PRDM16: variants seen among roughly 807,000 people sequenced by gnomAD.
PRDM16 encodes PR/SET domain 16, also known as histone-lysine N-methyltransferase PRDM16.
Under a neutral mutation model 110.6 loss-of-function variants are expected in PRDM16, and 23 were observed. The observed-to-expected ratio is 0.21, with a 90% CI of 0.15 to 0.29. The LOEUF is 0.29. Among genes scored for constraint, PRDM16 ranks in the 10% least tolerant of loss-of-function variants. The probability of loss-of-function intolerance (pLI) is 1.00; values close to 1 mark genes in which losing one functional copy is unlikely to be tolerated. For missense variants in PRDM16, 1,615 were observed against 1,794.3 expected (o/e 0.90, Z 1.81); for synonymous variants, 799 against 781.8 (o/e 1.02, Z -0.37).
At chr1:3,420,217 A>G (rs891226932) in intron 12 of PRDM16, among the ~76,000 whole-genome samples, 2 of 152,230 alleles carry the variant, frequency 1.3e-5, no homozygotes, top group Non-Finnish European at 2.9e-5. Context: ...TATCTGGCTC[A>G]AGGCAGGTCT....
chr1:3,384,341 C>G (rs1335755311), intron 3 of PRDM16, among the ~76,000 whole-genome samples: 2 of 152,192 alleles, frequency 1.3e-5, no homozygotes, highest in South Asian at 2.1e-4. Flanking sequence ...AATTCAGAAC[C>G]CAGAGTAGCT....
intron 1 of PRDM16, among the ~76,000 whole-genome samples, chr1:3,158,178 A>G (rs1643872534): frequency 6.6e-6 from 1 of 152,142 alleles, no homozygotes; most frequent in Non-Finnish European, 1.5e-5. Context: ...CCATCCCCGT[A>G]ACGGGATAGT....
chr1:3,241,622 G>GCCAAGCCCACGCACGGA (rs1247221056), intron 2 of PRDM16, among the ~76,000 whole-genome samples: 1 of 152,274 alleles, frequency 6.6e-6, no homozygotes, highest in Admixed American at 6.5e-5. Context: ...AGGAGTGCTG[G>GCCAAGCCCACGCACGGA]CCAAGCCCAC....
At chr1:3,230,165 C>T (rs1368771197) in intron 2 of PRDM16, among the ~76,000 whole-genome samples, 2 of 152,198 alleles carry the variant, frequency 1.3e-5, no homozygotes, top group Non-Finnish European at 2.9e-5. Flanking sequence ...AGCCGAGGGC[C>T]TCAAGAGAGA....
rs933590936 is a variant in PRDM16 at position 3,209,451 on chromosome 1, G to A, written c.387+22977G>A. ...TCCTGGGGAGGCCTGTGAAGGTCGC[G>A]TGAATGCCTGTGTCCCCCGGGACAG... On this transcript the variant is annotated intron_variant, in intron 2 of 16. Transcript: ENST00000270722. The surrounding 1 kb of genome is among the most constrained non-coding windows in gnomAD (Gnocchi z 4.6). 6.6e-6 allele frequency among the ~76,000 whole-genome samples: 1 copy of A among 152,196 alleles called. No individual in the cohort carries two copies. Among genetic ancestry groups the A allele is most frequent in the African/African-American group, 2.4e-5 (1 of 41,444 alleles).
chr1:3,197,808 G>A (rs72630991), intron 2 of PRDM16, among the ~76,000 whole-genome samples: 11,756 of 152,178 alleles, frequency 0.077, 624 homozygotes, highest in Non-Finnish European at 0.12. Context: ...TCAGACGCAG[G>A]TCCCACGCGT....
chr1:3,396,644 G>A (rs1195638802), intron 5 of PRDM16, 51 bp downstream of exon 5: 1 of 748,608 alleles, frequency 1.3e-6, no homozygotes, highest in Non-Finnish European at 2.2e-6. Context: ...CCCCCAGCCA[G>A]CCCGGAAGAG....
intron 1 of PRDM16, among the ~76,000 whole-genome samples, chr1:3,126,150 G>C (rs977858799): frequency 6.6e-6 from 1 of 152,180 alleles, no homozygotes; most frequent in Admixed American, 6.5e-5. Context: ...GGGGAGAAAG[G>C]GGCCATTGTG....
chr1:3,114,508 A>ACG (rs1642904844), intron 1 of PRDM16, among the ~76,000 whole-genome samples: 1 of 143,952 alleles, frequency 6.9e-6, no homozygotes, highest in African/African-American at 2.6e-5. Context: ...ACGCGCATGC[A>ACG]CACACACATG....
intron 3 of PRDM16, among the ~76,000 whole-genome samples, chr1:3,247,761 T>C (rs904788666): frequency 6.6e-6 from 1 of 152,246 alleles, no homozygotes; most frequent in Non-Finnish European, 1.5e-5. Context: ...GCGCCCGTCC[T>C]GGTGCGCCCT....
intron 2 of PRDM16, among the ~76,000 whole-genome samples, chr1:3,233,610 C>T (rs1249071072): frequency 6.6e-6 from 1 of 152,214 alleles, no homozygotes; most frequent in Non-Finnish European, 1.5e-5. Flanking sequence ...TCCTCTCTGC[C>T]CAGCAGGCCT....
intron 3 of PRDM16, among the ~76,000 whole-genome samples, chr1:3,335,568 G>A (rs992001058): frequency 2.7e-5 from 4 of 148,332 alleles, no homozygotes; most frequent in Admixed American, 2.0e-4. Context: ...GAGCATTGGA[G>A]GATATCTGAA....
Position 3,411,844 on chromosome 1 carries a change from T to C in PRDM16, c.1647T>C (p.Ser549=), listed in dbSNP as rs1373876851. The C allele has an allele frequency of 6.2e-7, 1 of 1,610,488 alleles. No homozygotes were observed. The highest frequency in any genetic ancestry group is 8.5e-7 in the Non-Finnish European group (1 of 1,178,256). ...LNHTQDAKLP[S]PLGNPALPLV... The stretch of plus-strand genomic sequence containing the variant: ...ACACCCAGGACGCCAAGCTCCCCAG[T>C]CCCCTGGGGAACCCAGCCCTGCCCC... The change falls in exon 9 of 17, where the codon AGT becomes AGC. Residue 549 remains serine (S), a synonymous_variant. Coordinates refer to ENST00000270722, the MANE Select transcript of PRDM16 (RefSeq NM_022114.4).
chr1:3,099,098 C>G (rs907674694), intron 1 of PRDM16, among the ~76,000 whole-genome samples: 4 of 152,244 alleles, frequency 2.6e-5, no homozygotes, highest in African/African-American at 9.6e-5. Context: ...GCAAGCTCCT[C>G]TGGGAATCCA....
intron 2 of PRDM16, among the ~76,000 whole-genome samples, chr1:3,193,936 T>A (rs1638385470): frequency 6.6e-6 from 1 of 152,132 alleles, no homozygotes; most frequent in Non-Finnish European, 1.5e-5. Flanking sequence ...GTGACCAACC[T>A]CCCTGTTTGC....
At chr1:3,072,766 C>T (rs1430484279) in intron 1 of PRDM16, among the ~76,000 whole-genome samples, 3 of 152,196 alleles carry the variant, frequency 2.0e-5, no homozygotes, top group African/African-American at 7.2e-5. Context: ...GGCGGGAATC[C>T]AGCGTCTTGC....
chr1:3,409,761 GTGT>G (rs1557659471), intron 8 of PRDM16, among the ~76,000 whole-genome samples: 4 of 105,986 alleles, frequency 3.8e-5, no homozygotes, highest in Admixed American at 8.6e-5. Context: ...GTGGGTGTGA[GTGT>G]GTGTGGTTGT....
At chr1:3,248,434 C>G (rs141083966) in intron 3 of PRDM16, among the ~76,000 whole-genome samples, 139 of 152,310 alleles carry the variant, frequency 9.1e-4, no homozygotes, top group Non-Finnish European at 1.6e-3. Context: ...CTCCGCTTCT[C>G]TATCCCCCTC....
intron 4 of PRDM16, chr1:3,386,896 T>G (rs1215920385): frequency 1.3e-5 from 2 of 152,148 alleles, no homozygotes; most frequent in African/African-American, 4.8e-5. Context: ...GAAATAAATG[T>G]TTATTAGAAC....
Sources: gnomAD v4.1 joint callset for allele counts (sites outside exome capture counted in the v4.1 genomes callset) on GRCh38, gnomAD v4.1.1 for gene constraint, Gnocchi (gnomAD v3.1) non-coding constraint, MANE v1.5 for transcripts, NCBI Gene and HGNC (gene_info 2026-07-23, HGNC 2026-07-21) for gene names.